Variants in HEMK2 observed in about 807,000 individuals in gnomAD.
The protein encoded by HEMK2 is methyltransferase HEMK2.
chr21:28,705,168 A>G, the HEMK2 span, among the ~76,000 whole-genome samples: 2 of 152,088 alleles, frequency 1.3e-5, no homozygotes, highest in Non-Finnish European at 2.9e-5. Flanking sequence ...TCCTACCACT[A>G]TCATACTACT....
chr21:28,605,517 CT>C, the HEMK2 span, among the ~76,000 whole-genome samples: 171 of 151,446 alleles, frequency 1.1e-3, no homozygotes, highest in African/African-American at 3.9e-3. Context: ...CAAGTTGTGA[CT>C]TTTTTTTTAA....
chr21:28,822,649 T>C, the HEMK2 span, among the ~76,000 whole-genome samples: 2 of 152,084 alleles, frequency 1.3e-5, no homozygotes, highest in East Asian at 1.9e-4. Context: ...AGCTTTGCTA[T>C]GAAAAAGCTG....
chr21:28,756,706 G>A, the HEMK2 span, among the ~76,000 whole-genome samples: 1 of 152,100 alleles, frequency 6.6e-6, no homozygotes, highest in African/African-American at 2.4e-5. Context: ...TGTCCTTCTA[G>A]GGTAAAACAA....
the HEMK2 span, among the ~76,000 whole-genome samples, chr21:28,868,019 T>C: frequency 6.6e-6 from 1 of 152,228 alleles, no homozygotes; most frequent in East Asian, 1.9e-4. Context: ...TATAATCACT[T>C]ATACAGTACT....
At chr21:28,604,189 A>G in the HEMK2 span, among the ~76,000 whole-genome samples, 2 of 152,188 alleles carry the variant, frequency 1.3e-5, no homozygotes, top group African/African-American at 4.8e-5. Context: ...TGCTTCATAT[A>G]GAACTGGATT....
At chr21:28,619,639 T>C in the HEMK2 span, among the ~76,000 whole-genome samples, 1 of 152,180 alleles carries the variant, frequency 6.6e-6, no homozygotes, top group Non-Finnish European at 1.5e-5. Context: ...CATACCTTCT[T>C]TTAGAGTCCT....
At chr21:28,844,171 TTTAA>T in the HEMK2 span, among the ~76,000 whole-genome samples, 21 of 152,198 alleles carry the variant, frequency 1.4e-4, no homozygotes, top group East Asian at 3.3e-3. Context: ...TTTGGTAAGC[TTTAA>T]TTGTTTGAAT....
At chr21:28,610,992 A>G in the HEMK2 span, among the ~76,000 whole-genome samples, 1 of 152,232 alleles carries the variant, frequency 6.6e-6, no homozygotes, top group African/African-American at 2.4e-5. Flanking sequence ...CAGGTCATCA[A>G]GATGGAAGTT....
At chr21:28,756,317 G>C in the HEMK2 span, among the ~76,000 whole-genome samples, 11 of 152,198 alleles carry the variant, frequency 7.2e-5, no homozygotes, top group Non-Finnish European at 1.3e-4. Context: ...CCTTCCTACA[G>C]AGGCAGATCA....
the HEMK2 span, among the ~76,000 whole-genome samples, chr21:28,694,133 C>T: frequency 0.11 from 17,115 of 152,216 alleles, 1,054 homozygotes; most frequent in South Asian, 0.16. Flanking sequence ...GCCTGGCCTA[C>T]AGTTTCTTGG....
At chr21:28,722,833 A>C in the HEMK2 span, among the ~76,000 whole-genome samples, 1 of 152,150 alleles carries the variant, frequency 6.6e-6, no homozygotes, top group Non-Finnish European at 1.5e-5. Flanking sequence ...GTGGTGAGCC[A>C]AGGTCGCGCC....
chr21:28,620,660 C>CTTTTT, the HEMK2 span, among the ~76,000 whole-genome samples: 342 of 49,674 alleles, frequency 6.9e-3, 29 homozygotes, highest in East Asian at 0.025. Context: ...TCTCTCTTTT[C>CTTTTT]TTTTTTTTTT....
chr21:28,582,434 A>G, the HEMK2 span, among the ~76,000 whole-genome samples: 144 of 152,278 alleles, frequency 9.5e-4, no homozygotes, highest in Non-Finnish European at 1.7e-3. Flanking sequence ...CCTGGGGGGA[A>G]TCAAGTATGT....
chr21:28,587,175 CAA>C, the HEMK2 span, among the ~76,000 whole-genome samples: 1,507 of 144,142 alleles, frequency 0.01, 27 homozygotes, highest in African/African-American at 0.034. Flanking sequence ...AGGAAATAAA[CAA>C]AAAAAAAAAA....
the HEMK2 span, among the ~76,000 whole-genome samples, chr21:28,592,837 A>G: frequency 5.3e-5 from 8 of 152,300 alleles, no homozygotes; most frequent in East Asian, 1.9e-4. Context: ...CACAAAGGAC[A>G]TGTCGTATTT....
the HEMK2 span, among the ~76,000 whole-genome samples, chr21:28,831,581 AGG>A: frequency 3.0e-5 from 2 of 65,812 alleles, no homozygotes; most frequent in South Asian, 4.3e-4. Context: ...GAAAGAAAGA[AGG>A]AAAGAAGGAA....
At chr21:28,812,234 T>C in the HEMK2 span, among the ~76,000 whole-genome samples, 2 of 152,300 alleles carry the variant, frequency 1.3e-5, no homozygotes, top group Admixed American at 6.5e-5. Context: ...AATATTGATA[T>C]AAAATTCCAG....
chr21:28,715,540 G>C, the HEMK2 span, among the ~76,000 whole-genome samples: 1 of 151,990 alleles, frequency 6.6e-6, no homozygotes, highest in Non-Finnish European at 1.5e-5. Context: ...CTGGATATTA[G>C]ACCTTTGTAG....
At chr21:28,831,918 ATT>A in the HEMK2 span, among the ~76,000 whole-genome samples, 1 of 151,972 alleles carries the variant, frequency 6.6e-6, no homozygotes, top group Non-Finnish European at 1.5e-5. Context: ...TTTAATTCAG[ATT>A]TTGTAAGGTA....
Sources: allele counts gnomAD v4.1 joint callset (sites outside exome capture counted in the v4.1 genomes callset), GRCh38; gene constraint gnomAD v4.1.1; transcripts MANE v1.5; gene names NCBI Gene and HGNC (gene_info 2026-07-23, HGNC 2026-07-21).